RUNDC3B: variants seen among roughly 807,000 people sequenced by gnomAD.
The protein encoded by RUNDC3B is RUN domain containing 3B, also known as RUN domain-containing protein 3B.
RUNDC3B carries 33 observed loss-of-function variants against 58.4 expected under a neutral mutation model. That is an observed-to-expected ratio of 0.56 (90% CI 0.43 to 0.75). The LOEUF is 0.75. Among genes scored for constraint, RUNDC3B ranks in the 30% least tolerant of loss-of-function variants. The pLI, the probability that RUNDC3B is intolerant of heterozygous loss-of-function variation, is 0.00. For missense variants in RUNDC3B, 501 were observed against 535.7 expected (o/e 0.94, Z 0.64); for synonymous variants, 193 against 195.2 (o/e 0.99, Z 0.10).
Position 87,736,011 on chromosome 7 carries a change from A to G in RUNDC3B, c.459-3780A>G, listed in dbSNP as rs1467142097. Among the ~76,000 whole-genome samples, 4 of 152,170 alleles carry G rather than the reference A, an allele frequency of 2.6e-5. No individual in the cohort carries two copies. The South Asian group carries it at 6.2e-4, about 24-fold the overall frequency. ...ATTACTGAATCTCACATTCTTGGCA[A>G]GACCTTTGGAGGTTGACTTTTTCAT... On this transcript the variant is annotated intron_variant, in intron 4 of 10. Coordinates refer to ENST00000394654, the MANE Select transcript of RUNDC3B (RefSeq NM_001134405.2).
At chr7:87,783,255 A>G (rs1373296940) in intron 8 of RUNDC3B, among the ~76,000 whole-genome samples, 2 of 152,134 alleles carry the variant, frequency 1.3e-5, no homozygotes, top group South Asian at 2.1e-4. Context: ...AATGACCGTA[A>G]TGACCTTCTT....
rs183542901 is a variant in RUNDC3B at position 87,791,591 on chromosome 7, G to C, written c.956+13636G>C. Reference sequence around the variant, plus strand: ...CAGGGGGATAAAGTTAAAGTGTAGAGTGTTTATTAGTTTTTGCTTGTGTGT... The same window carrying C: ...CAGGGGGATAAAGTTAAAGTGTAGACTGTTTATTAGTTTTTGCTTGTGTGT... On this transcript the variant is annotated intron_variant, in intron 8 of 10. Coordinates refer to ENST00000394654, the MANE Select transcript of RUNDC3B (RefSeq NM_001134405.2). 2.0e-5 allele frequency among the ~76,000 whole-genome samples: 3 copies of C among 152,184 alleles called. No individual in the cohort carries two copies. In the East Asian group the frequency reaches 5.8e-4, roughly 29 times the overall value.
intron 3 of RUNDC3B, among the ~76,000 whole-genome samples, chr7:87,709,660 T>A (rs1390824325): frequency 6.6e-6 from 1 of 152,202 alleles, no homozygotes; most frequent in Admixed American, 6.5e-5. Context: ...TCACTAGACT[T>A]GCAGACATTT....
At chr7:87,822,825 G>A (rs1196987115) in intron 10 of RUNDC3B, among the ~76,000 whole-genome samples, 1 of 152,108 alleles carries the variant, frequency 6.6e-6, no homozygotes, top group African/African-American at 2.4e-5. Context: ...ACTCATAGGT[G>A]GGAATTGAAC....
chr7:87,665,370 A>G (rs1273854094), intron 2 of RUNDC3B, among the ~76,000 whole-genome samples: 2 of 152,124 alleles, frequency 1.3e-5, no homozygotes, highest in East Asian at 1.9e-4. Context: ...TTAGGAGGAA[A>G]TTCAGGCAAG....
intron 9 of RUNDC3B, among the ~76,000 whole-genome samples, chr7:87,814,693 TATAA>T (rs1339076006): frequency 1.3e-5 from 2 of 152,172 alleles, no homozygotes; most frequent in Non-Finnish European, 2.9e-5. Context: ...ACATAGCTCA[TATAA>T]ATGTTATTTG....
chr7:87,633,026 T>TA (rs1439809157), intron 1 of RUNDC3B, among the ~76,000 whole-genome samples: 5 of 152,250 alleles, frequency 3.3e-5, no homozygotes, highest in Non-Finnish European at 5.9e-5. Context: ...GTGTTTTTAA[T>TA]AACATATGAA....
intron 10 of RUNDC3B, among the ~76,000 whole-genome samples, chr7:87,816,905 A>T (rs1217650297): frequency 3.3e-5 from 5 of 152,166 alleles, no homozygotes; most frequent in Non-Finnish European, 7.3e-5. Context: ...ATTTGGTTCA[A>T]AGCTCTTTTC....
chr7:87,773,672 T>TTTTG (rs1834438415), intron 7 of RUNDC3B, among the ~76,000 whole-genome samples: 1 of 140,004 alleles, frequency 7.1e-6, no homozygotes, highest in Non-Finnish European at 1.7e-5. Context: ...TTTTGTTTTG[T>TTTTG]TTTGTTTTGT....
intron 6 of RUNDC3B, among the ~76,000 whole-genome samples, chr7:87,744,186 C>T (rs1218458880): frequency 2.6e-5 from 4 of 152,144 alleles, no homozygotes; most frequent in Non-Finnish European, 4.4e-5. Flanking sequence ...TATTTTAATA[C>T]CAGTACCACA....
In RUNDC3B at chr7:87,788,378, A is replaced by C. The variant is rs75492619; in HGVS notation, c.956+10423A>C. On this transcript the variant is annotated intron_variant, in intron 8 of 10. Coordinates refer to ENST00000394654, the MANE Select transcript of RUNDC3B (RefSeq NM_001134405.2). ...GGAAACAGAGTGAGACACTGTGTCC[A>C]AAACAAAGAGAAAAAGATTTTGGTG... Among the ~76,000 whole-genome samples, 1,204 of 152,348 alleles carry C rather than the reference A, an allele frequency of 7.9e-3. 22 individuals are homozygous for C. The highest frequency in any genetic ancestry group is 0.027 in the African/African-American group (1,140 of 41,588).
intron 8 of RUNDC3B, among the ~76,000 whole-genome samples, chr7:87,782,391 C>T (rs545652910): frequency 6.6e-6 from 1 of 152,076 alleles, no homozygotes; most frequent in South Asian, 2.1e-4. Context: ...AACAGTCTGT[C>T]AATCTTGTTT....
Position 87,830,133 on chromosome 7 carries a change from T to A in RUNDC3B, c.*103T>A. ...AAATTTTATATTGTTCTGGTACATG[T>A]CTGAAATTCTATTGCTTGGAGAGAA... On this transcript the variant is annotated 3_prime_UTR_variant, in exon 11 of 11. Transcript: ENST00000394654. 3 of 565,294 alleles carry A rather than the reference T, an allele frequency of 5.3e-6. No homozygotes were observed. Among genetic ancestry groups the A allele is most frequent in the Non-Finnish European group, 8.5e-6 (3 of 352,624 alleles). The allele number at this position is 565,294 out of a possible 1,614,324, so 35.0% of individuals were successfully genotyped here. A position where few individuals can be genotyped will look rare whatever the true frequency, so the allele number is the denominator to read the frequency against.
intron 4 of RUNDC3B, among the ~76,000 whole-genome samples, chr7:87,720,060 A>G (rs1301092840): frequency 2.0e-5 from 3 of 151,622 alleles, no homozygotes; most frequent in Non-Finnish European, 4.4e-5. Context: ...TCAAAATACA[A>G]TTGAAAAACT....
chr7:87,742,912 G>A (rs1298762875), intron 6 of RUNDC3B, among the ~76,000 whole-genome samples: 1 of 152,060 alleles, frequency 6.6e-6, no homozygotes, highest in African/African-American at 2.4e-5. Context: ...AGGAGATAGA[G>A]ACCATCCGGG....
chr7:87,675,701 C>T (rs907354275), intron 2 of RUNDC3B, among the ~76,000 whole-genome samples: 1 of 103,166 alleles, frequency 9.7e-6, no homozygotes, highest in Non-Finnish European at 2.1e-5. Flanking sequence ...AGAAAGAAAA[C>T]AAAGAAAGAG....
intron 3 of RUNDC3B, among the ~76,000 whole-genome samples, chr7:87,705,863 CA>C (rs747889263): frequency 6.6e-5 from 10 of 152,134 alleles, no homozygotes; most frequent in Non-Finnish European, 1.3e-4. Flanking sequence ...CAGATATTTA[CA>C]TTGGGTTTTC....
At chr7:87,711,598 GA>G (rs1196430809) in intron 4 of RUNDC3B, among the ~76,000 whole-genome samples, 1 of 152,012 alleles carries the variant, frequency 6.6e-6, no homozygotes, top group Non-Finnish European at 1.5e-5. Context: ...ATTTGTAAAT[GA>G]AAAGATTTAA....
At chr7:87,681,033 GA>G (rs1434452355) in intron 2 of RUNDC3B, among the ~76,000 whole-genome samples, 2 of 150,462 alleles carry the variant, frequency 1.3e-5, no homozygotes, top group Non-Finnish European at 2.9e-5. Context: ...TATCAGGAAT[GA>G]AAGAGGGCAT....
Sources: gnomAD v4.1 joint callset for allele counts (sites outside exome capture counted in the v4.1 genomes callset) on GRCh38, gnomAD v4.1.1 for gene constraint, MANE v1.5 for transcripts, NCBI Gene and HGNC (gene_info 2026-07-23, HGNC 2026-07-21) for gene names.